UGT2B4: variants seen among roughly 807,000 people sequenced by gnomAD.
UGT2B4 encodes the protein UDP glucuronosyltransferase family 2 member B4, also known as UDP-glucuronosyltransferase 2B4.
UGT2B4 carries 49 observed loss-of-function variants against 49.8 expected under a neutral mutation model. The ratio of observed to expected loss-of-function variants is 0.98; its 90% CI spans 0.78 to 1.25. The LOEUF (loss-of-function observed/expected upper bound fraction) is 1.25. Among genes scored for constraint, UGT2B4 ranks in the 50% most tolerant of loss-of-function variants. The pLI is 0.00. For missense variants in UGT2B4, 729 were observed against 627.7 expected, an observed-to-expected ratio of 1.16 and a Z score of -1.73; for synonymous variants, 246 against 217.7, an observed-to-expected ratio of 1.13 and a Z score of -1.14.
chr4:69,517,663 T>C (rs1728763569), intron 1 of UGT2B4: 1 of 153,084 alleles, frequency 6.5e-6, no homozygotes, highest in Non-Finnish European at 1.5e-5. Context: ...AAATAAAGAG[T>C]TTCTTAATTC....
intron 1 of UGT2B4, among the ~76,000 whole-genome samples, chr4:69,515,325 C>T (rs1728703261): frequency 6.6e-6 from 1 of 152,122 alleles, no homozygotes; most frequent in South Asian, 2.1e-4. Flanking sequence ...TCTTAGACTA[C>T]AGCACACACA....
intron 5 of UGT2B4, among the ~76,000 whole-genome samples, chr4:69,482,813 C>T (rs1022620397): frequency 6.6e-6 from 1 of 151,128 alleles, no homozygotes; most frequent in African/African-American, 2.4e-5. Flanking sequence ...TCACCATGTT[C>T]ATCAGGCTTG....
At chr4:69,501,347 A>G (rs980345361) in intron 1 of UGT2B4, among the ~76,000 whole-genome samples, 1 of 151,608 alleles carries the variant, frequency 6.6e-6, no homozygotes, top group African/African-American at 2.4e-5. Context: ...GTTCCTTCCT[A>G]TTGGGCGGGA....
chr4:69,494,152 C>T (rs1728076138), intron 1 of UGT2B4, among the ~76,000 whole-genome samples: 1 of 152,002 alleles, frequency 6.6e-6, no homozygotes, highest in African/African-American at 2.4e-5. Flanking sequence ...TTTTGTAAAC[C>T]TTCGATAGTA....
At chr4:69,502,278 A>G (rs1192462616) in intron 1 of UGT2B4, among the ~76,000 whole-genome samples, 2 of 151,686 alleles carry the variant, frequency 1.3e-5, no homozygotes, top group African/African-American at 2.4e-5. Flanking sequence ...AAGGTTTGTT[A>G]CATAGGTAAA....
Position 69,489,363 on chromosome 4 carries a change from T to G in UGT2B4, c.1002+76A>C. The G allele has an allele frequency of 3.2e-6, 5 of 1,574,884 alleles. No homozygotes were observed. The South Asian group carries it at 5.6e-5, about 18-fold the overall frequency. On this transcript the variant is annotated intron_variant, in intron 3 of 5. Coordinates refer to ENST00000305107, the MANE Select transcript of UGT2B4 (RefSeq NM_021139.3). ...CAGCTGAATATATAGGCAGGAAGTT[T>G]CTACAATTGGGTTCTTTACAAACTT...
At position 69,486,099 on chromosome 4, in the gene UGT2B4, T is replaced by C. The variant is rs547610795; in HGVS notation, c.1090+510A>G. On this transcript the variant is annotated intron_variant, in intron 4 of 5. Transcript: ENST00000305107. ...TTAAGTACAGTCACGGAGTGTGATA[T>C]GTAGGGTGTGCAAGGCAGCAGGCAG... is the stretch of plus-strand genomic sequence containing the variant. Among the ~76,000 whole-genome samples, 266 of 152,200 alleles carry C rather than the reference T, an allele frequency of 1.7e-3. 2 individuals carry two copies. Among genetic ancestry groups the C allele is most frequent in the African/African-American group, 6.1e-3 (254 of 41,534 alleles).
In UGT2B4 at chr4:69,480,813, G is replaced by A; in HGVS notation, c.1408C>T (p.His470Tyr). 1 of 1,613,882 alleles carries A rather than the reference G, an allele frequency of 6.2e-7. No individual in the cohort carries two copies. The highest frequency in any genetic ancestry group is 1.1e-5 in the South Asian group (1 of 91,068). Residue 470 changes from histidine to tyrosine, a missense_variant, in exon 6 of 6, where the codon CAT (histidine) becomes TAT (tyrosine). By Grantham distance (83) the His-to-Tyr change is moderately conservative. Transcript: ENST00000305107. ...ACCCGAAGGTGCTTGGCTCCTTTAT[G>A]GCGCATGACAAATTCAATCCAGAAG... is the stretch of plus-strand genomic sequence containing the variant. ...AVFWIEFVMR[H>Y]KGAKHLRVAA... is the part of the protein sequence containing the mutation.
intron 1 of UGT2B4, among the ~76,000 whole-genome samples, chr4:69,512,536 T>C (rs1031289849): frequency 1.3e-5 from 2 of 152,168 alleles, no homozygotes; most frequent in Non-Finnish European, 1.5e-5. Context: ...TTAAATTTGT[T>C]AACATTTGCT....
chr4:69,523,448 G>A (rs868387328), intron 1 of UGT2B4, among the ~76,000 whole-genome samples: 2 of 152,046 alleles, frequency 1.3e-5, no homozygotes, highest in African/African-American at 2.4e-5. Flanking sequence ...ATTAGCATGC[G>A]CCTTGTCATT....
chr4:69,508,031 A>G (rs1389839203), intron 1 of UGT2B4, among the ~76,000 whole-genome samples: 1 of 152,200 alleles, frequency 6.6e-6, no homozygotes, highest in Non-Finnish European at 1.5e-5. Context: ...AAAAGTGGGC[A>G]AAGGATATAA....
At chr4:69,505,579 G>A (rs1728446497) in intron 1 of UGT2B4, among the ~76,000 whole-genome samples, 1 of 152,098 alleles carries the variant, frequency 6.6e-6, no homozygotes, top group African/African-American at 2.4e-5. Context: ...AGTTCTTACA[G>A]ACCTGCAAAG....
At position 69,480,578 on chromosome 4, in the gene UGT2B4, T is replaced by C; in HGVS notation, c.*56A>G. The C allele has an allele frequency of 1.3e-6, 2 of 1,561,390 alleles. No individual in the cohort carries two copies. The highest frequency in any genetic ancestry group is 1.2e-5 in the South Asian group (1 of 81,912). On this transcript the variant is annotated 3_prime_UTR_variant, in exon 6 of 6. Transcript: ENST00000305107. ...CTTGTATCACAACGTCTTCTTGTTG[T>C]AATAAACTAAAGGAGTTCATTTATT...
chr4:69,505,850 G>A (rs1289408152), intron 1 of UGT2B4, among the ~76,000 whole-genome samples: 1 of 152,094 alleles, frequency 6.6e-6, no homozygotes, highest in East Asian at 1.9e-4. Context: ...AGAATTGAAA[G>A]TGTAACAAAT....
intron 4 of UGT2B4, 52 bp downstream of exon 4, chr4:69,486,557 A>G (rs969841332): frequency 2.4e-6 from 3 of 1,268,636 alleles, no homozygotes; most frequent in Admixed American, 2.4e-5. Context: ...AACTATTAAC[A>G]CTTTAATAAT....
At chr4:69,488,234 C>A (rs970656806) in intron 3 of UGT2B4, among the ~76,000 whole-genome samples, 1 of 152,064 alleles carries the variant, frequency 6.6e-6, no homozygotes, top group Non-Finnish European at 1.5e-5. Flanking sequence ...AAATACAACT[C>A]TTGAATAAAT....
chr4:69,518,577 AG>A (rs1728784103), intron 1 of UGT2B4, among the ~76,000 whole-genome samples: 1 of 152,218 alleles, frequency 6.6e-6, no homozygotes, highest in Non-Finnish European at 1.5e-5. Context: ...GTCAGGGAAA[AG>A]TTTAAGCAAC....
chr4:69,498,710 C>T (rs529988394), upstream of UGT2B4, among the ~76,000 whole-genome samples: 4 of 152,112 alleles, frequency 2.6e-5, no homozygotes, highest in South Asian at 6.2e-4. Context: ...AGTCAGTGGT[C>T]ATATCCCCTT....
At chr4:69,502,426 C>G (rs376336203) in intron 1 of UGT2B4, among the ~76,000 whole-genome samples, 58 of 151,782 alleles carry the variant, frequency 3.8e-4, no homozygotes, top group African/African-American at 1.4e-3. Context: ...CAGGTCTGTA[C>G]CTCCCTGGTA....
Sources: gnomAD v4.1 joint callset for allele counts (sites outside exome capture counted in the v4.1 genomes callset) on GRCh38, gnomAD v4.1.1 for gene constraint, MANE v1.5 for transcripts, NCBI Gene and HGNC (gene_info 2026-07-23, HGNC 2026-07-21) for gene names.